MYH15: variants seen among roughly 807,000 people sequenced by gnomAD.
The protein encoded by MYH15 is myosin heavy chain 15.
MYH15 carries 227 observed loss-of-function variants against 240.5 expected under a neutral mutation model. The observed-to-expected ratio is 0.94, with a 90% CI of 0.85 to 1.05. The LOEUF is 1.05. Among genes scored for constraint, MYH15 ranks in the 50% least tolerant of loss-of-function variants. MYH15 has a pLI of 0.00. For missense variants in MYH15, 2,217 were observed against 2,247.5 expected, an observed-to-expected ratio of 0.99 and a Z score of 0.27; for synonymous variants, 785 against 796.7, an observed-to-expected ratio of 0.99 and a Z score of 0.25.
At position 108,441,226 on chromosome 3, in the gene MYH15, C is replaced by G. The variant is rs1299080711; in HGVS notation, c.2690G>C (p.Cys897Ser). 3 of 1,613,994 alleles carry G rather than the reference C, an allele frequency of 1.9e-6. No homozygotes were observed. Among genetic ancestry groups the G allele is most frequent in the Non-Finnish European group, 2.5e-6 (3 of 1,179,986 alleles). The change falls in exon 23 of 41, where the codon TGC becomes TCC. Residue 897 changes from cysteine (C) to serine (S), a missense_variant. Physicochemically the swap from Cys to Ser is moderately radical, Grantham distance 112. Transcript: ENST00000693548. The part of the protein sequence containing the change: ...QETLANVEEQ[C>S]EWLIKSKIQL... ...GATCTTGGATTTAATCAGCCACTCG[C>G]ACTGCTCTTCAACATTTGCCAGTGT...
intron 1 of MYH15, among the ~76,000 whole-genome samples, chr3:108,523,524 T>C (rs1047164793): frequency 6.6e-6 from 1 of 151,974 alleles, no homozygotes; most frequent in South Asian, 2.1e-4. Flanking sequence ...CCTGTACATA[T>C]ATAAATAACA....
In MYH15 at chr3:108,495,891, A is replaced by T; in HGVS notation, c.619-19T>A. The T allele has an allele frequency of 5.7e-6, 9 of 1,572,782 alleles. No homozygotes were observed. Among genetic ancestry groups the T allele is most frequent in the Non-Finnish European group, 7.8e-6 (9 of 1,150,620 alleles). ...ACGCCCCCTGAGACACATGCAAGAG[A>T]AGTACAGCTGATGAAACTATTAGTA... is the stretch of plus-strand genomic sequence containing the variant. On this transcript the variant is annotated intron_variant, in intron 6 of 40. Coordinates refer to ENST00000693548, the MANE Select transcript of MYH15 (RefSeq NM_014981.3).
In MYH15 at chr3:108,414,222, C is replaced by A; in HGVS notation, c.4145+10G>T. ...TAACTCCAGGTTAAGGATAGCCTTG[C>A]CCTACTCACTTGGCATCCTCCAAGT... is the stretch of plus-strand genomic sequence containing the variant. On this transcript the variant is annotated intron_variant, in intron 30 of 40. Transcript: ENST00000693548. 6.2e-7 allele frequency: 1 copy of A among 1,612,230 alleles called. No individual in the cohort carries two copies. Among genetic ancestry groups the A allele is most frequent in the Non-Finnish European group, 8.5e-7 (1 of 1,178,562 alleles).
intron 27 of MYH15, 137 bp downstream of exon 27, chr3:108,428,355 T>G (rs747686282): frequency 3.7e-6 from 4 of 1,087,942 alleles, no homozygotes; most frequent in Non-Finnish European, 5.3e-6. Context: ...ATCTATTCCG[T>G]CCAAAGGACT....
chr3:108,528,571 C>T (rs1441386017), intron 1 of MYH15, among the ~76,000 whole-genome samples: 2 of 152,110 alleles, frequency 1.3e-5, no homozygotes, highest in African/African-American at 4.8e-5. Flanking sequence ...ACATGTATCT[C>T]AATTCAATCC....
chr3:108,444,723 A>C lies in MYH15; in HGVS notation c.2572T>G (p.Ser858Ala). The change falls in exon 22 of 41, where the codon TCA becomes GCA. Residue 858 changes from serine (S) to alanine (A), a missense_variant. Physicochemically the swap from Ser to Ala is moderately conservative, Grantham distance 99 (BLOSUM62 1). Transcript: ENST00000693548. ...CAQLQKALEK[S>A]EFQREELKAK... is the part of the protein sequence containing the mutation. ...TTCAGTTCCTCCCTCTGAAACTCTGATTTCTCCAAGGCTTTCTGTAATTGT... is the reference window on the plus strand; with the variant it reads ...TTCAGTTCCTCCCTCTGAAACTCTGCTTTCTCCAAGGCTTTCTGTAATTGT... The C allele has an allele frequency of 6.2e-7, 1 of 1,613,900 alleles. No homozygotes were observed. The highest frequency in any genetic ancestry group is 8.5e-7 in the Non-Finnish European group (1 of 1,179,936).
intron 11 of MYH15, among the ~76,000 whole-genome samples, chr3:108,477,186 G>A (rs758158904): frequency 6.6e-6 from 1 of 152,118 alleles, no homozygotes; most frequent in Non-Finnish European, 1.5e-5. Flanking sequence ...GCTGAAACTT[G>A]AAAACATTAT....
chr3:108,468,117 C>T (rs2083137283), intron 14 of MYH15, among the ~76,000 whole-genome samples: 1 of 152,100 alleles, frequency 6.6e-6, no homozygotes. Context: ...AGGCATGCGC[C>T]ACCACATCTG....
intron 28 of MYH15, among the ~76,000 whole-genome samples, chr3:108,419,914 T>C (rs1434871585): frequency 6.6e-6 from 1 of 152,176 alleles, no homozygotes; most frequent in Non-Finnish European, 1.5e-5. Context: ...CAGAATATAT[T>C]ACTAAAACTG....
the MYH15 span, among the ~76,000 whole-genome samples, chr3:108,536,510 T>G: frequency 6.6e-6 from 1 of 152,212 alleles, no homozygotes; most frequent in African/African-American, 2.4e-5. Flanking sequence ...AAGTTTATAG[T>G]TCTTTAAGAA....
chr3:108,544,283 G>A, the MYH15 span, among the ~76,000 whole-genome samples: 1 of 152,140 alleles, frequency 6.6e-6, no homozygotes, highest in Non-Finnish European at 1.5e-5. Context: ...CACACTTACA[G>A]TTGGTAAAAT....
At chr3:108,490,103 T>C (rs540483995) in intron 9 of MYH15, among the ~76,000 whole-genome samples, 2 of 152,186 alleles carry the variant, frequency 1.3e-5, no homozygotes, top group South Asian at 4.2e-4. Flanking sequence ...CAGAAACACA[T>C]GTCAAGAGTG....
the MYH15 span, among the ~76,000 whole-genome samples, chr3:108,543,164 C>G: frequency 6.6e-6 from 1 of 152,184 alleles, no homozygotes; most frequent in Non-Finnish European, 1.5e-5. Flanking sequence ...CAGGCGTGAG[C>G]CACCGCACCA....
At chr3:108,416,736 C>G in intron 29 of MYH15, 76 bp downstream of exon 29, 6 of 1,189,132 alleles carry the variant, frequency 5.0e-6, no homozygotes, top group Non-Finnish European at 7.3e-6. Context: ...CATCTTCAGG[C>G]TGATTCATCA....
intron 33 of MYH15, among the ~76,000 whole-genome samples, chr3:108,400,461 A>G (rs886630655): frequency 9.2e-5 from 14 of 152,152 alleles, no homozygotes; most frequent in African/African-American, 3.4e-4. Context: ...TCCACAAATC[A>G]GATTAGATCA....
In MYH15 at chr3:108,406,073, T is replaced by C. The variant is rs370395515; in HGVS notation, c.4621-620A>G. 3.9e-5 allele frequency among the ~76,000 whole-genome samples: 6 copies of C among 152,360 alleles called. No homozygotes were observed. In the East Asian group the frequency reaches 1.2e-3, roughly 29 times the overall value. ...GCAGAAGATTCCTTGCCCCTTTGTG[T>C]ATTCAAATATAGTTAAGGCAATTAT... On this transcript the variant is annotated intron_variant, in intron 32 of 40. Coordinates refer to ENST00000693548, the MANE Select transcript of MYH15 (RefSeq NM_014981.3).
chr3:108,505,628 C>A, intron 2 of MYH15, 95 bp downstream of exon 2: 1 of 634,096 alleles, frequency 1.6e-6, no homozygotes, highest in Non-Finnish European at 2.4e-6. Flanking sequence ...GCATCTCCTA[C>A]CCCAGATCTT....
chr3:108,448,914 G>C (rs1257621836), intron 21 of MYH15, among the ~76,000 whole-genome samples: 1 of 151,248 alleles, frequency 6.6e-6, no homozygotes, highest in Non-Finnish European at 1.5e-5. Context: ...AAAGTTGCAG[G>C]ATAAAAAAAT....
intron 27 of MYH15, among the ~76,000 whole-genome samples, chr3:108,427,288 T>A (rs1053298492): frequency 3.9e-5 from 6 of 152,208 alleles, no homozygotes; most frequent in Non-Finnish European, 5.9e-5. Context: ...CTAAAATTCA[T>A]GTTGAAAGAA....
Sources: gnomAD v4.1 joint callset for allele counts (sites outside exome capture counted in the v4.1 genomes callset) on GRCh38, gnomAD v4.1.1 for gene constraint, MANE v1.5 for transcripts, NCBI Gene and HGNC (gene_info 2026-07-23, HGNC 2026-07-21) for gene names.